Variants in TLR2 observed in about 807,000 individuals in gnomAD.
The protein encoded by TLR2 is toll like receptor 2, also known as toll-like receptor 2.
In TLR2, 7 loss-of-function variants were observed where a neutral mutation model predicts 9.1. The observed-to-expected ratio is 0.77, with a 90% CI of 0.44 to 1.44. The LOEUF is 1.44. Among genes scored for constraint, TLR2 ranks in the 40% most tolerant of loss-of-function variants. The probability of loss-of-function intolerance (pLI) is 0.01; values close to 1 mark genes in which losing one functional copy is unlikely to be tolerated. For missense variants in TLR2, 812 were observed against 904.6 expected, an observed-to-expected ratio of 0.90 and a Z score of 1.31; for synonymous variants, 317 against 344.6, an observed-to-expected ratio of 0.92 and a Z score of 0.89.
intron 2 of TLR2, among the ~76,000 whole-genome samples, chr4:153,696,135 C>T (rs980276771): frequency 2.3e-4 from 35 of 152,024 alleles, no homozygotes; most frequent in Non-Finnish European, 1.0e-4. Flanking sequence ...TCTTTTTGCT[C>T]AGAATAGCTC....
At chr4:153,710,465 A>G (rs1298292107), downstream of TLR2, 16 of 1,607,714 alleles carry the variant, frequency 1.0e-5, no homozygotes, top group Non-Finnish European at 1.3e-5. Context: ...GGATTTGTCC[A>G]TACAGAAAAT....
chr4:153,704,341 A>ACT lies in TLR2; in HGVS notation c.1436_1437dup (p.Lys480SerfsTer11). On this transcript the variant is annotated frameshift_variant, in exon 3 of 3. Coordinates refer to ENST00000642700, the MANE Select transcript of TLR2 (RefSeq NM_001318789.2). LOFTEE classifies it low-confidence loss of function (END_TRUNC). ...ATTTATTTTCTTTGAATTTGCCGCA[A>ACT]CTCAAAGAACTTTATATTTCCAGAA... is the stretch of plus-strand genomic sequence containing the variant. 6.2e-7 allele frequency: 1 copy of ACT among 1,613,584 alleles called. No homozygotes were observed. Among genetic ancestry groups the ACT allele is most frequent in the South Asian group, 1.1e-5 (1 of 90,898 alleles).
At chr4:153,685,981 C>T (rs193172395) in intron 1 of TLR2, among the ~76,000 whole-genome samples, 1 of 152,290 alleles carries the variant, frequency 6.6e-6, no homozygotes, top group African/African-American at 2.4e-5. Flanking sequence ...TGGTGAGGGT[C>T]ATCTGGCTAC....
At position 153,696,081 on chromosome 4, in the gene TLR2, G is replaced by A. The variant is rs138716217; in HGVS notation, c.-16-6811G>A. On this transcript the variant is annotated intron_variant, in intron 2 of 2. Transcript: ENST00000642700. ...ATTCTGTTTTAGTTACTATAGCTCT[G>A]TAGTATAATTTTAAGTCAGATAATG... 5.0e-3 allele frequency among the ~76,000 whole-genome samples: 760 copies of A among 152,194 alleles called. 7 individuals are homozygous for A. Among genetic ancestry groups the A allele is most frequent in the African/African-American group, 0.018 (729 of 41,534 alleles).
At chr4:153,690,533 A>G (rs981666583) in intron 2 of TLR2, among the ~76,000 whole-genome samples, 5 of 152,254 alleles carry the variant, frequency 3.3e-5, no homozygotes, top group Non-Finnish European at 7.3e-5. Context: ...CATGTAGCCC[A>G]GACAAAGTGA....
At chr4:153,695,555 T>C (rs6822309) in intron 2 of TLR2, among the ~76,000 whole-genome samples, 1 of 152,220 alleles carries the variant, frequency 6.6e-6, no homozygotes, top group Non-Finnish European at 1.5e-5. Context: ...TTATTTGATC[T>C]CCTTATATAT....
intron 2 of TLR2, among the ~76,000 whole-genome samples, chr4:153,696,614 A>T (rs1736515317): frequency 6.6e-6 from 1 of 152,194 alleles, no homozygotes. Flanking sequence ...TCCATTACCA[A>T]ATGTGTTTTC....
At chr4:153,702,822 A>T in intron 2 of TLR2, 70 bp from the exon 3 acceptor site, 1 of 1,311,630 alleles carries the variant, frequency 7.6e-7, no homozygotes. Flanking sequence ...CCTAGAAAAC[A>T]TTTCTCAAGA....
intron 2 of TLR2, chr4:153,701,920 A>C (rs1736921668): frequency 6.6e-6 from 1 of 152,228 alleles, no homozygotes; most frequent in Admixed American, 6.5e-5. Flanking sequence ...ATAGTCTCTC[A>C]GATTCTGTGA....
At chr4:153,710,627 C>T (rs1737505829), downstream of TLR2, 2 of 789,000 alleles carry the variant, frequency 2.5e-6, no homozygotes, top group Admixed American at 2.6e-5. Flanking sequence ...AATTAAAAGC[C>T]CCTTATGTGA....
intron 1 of TLR2, 86 bp downstream of exon 1, chr4:153,684,446 C>T (rs1462235410): frequency 6.6e-6 from 1 of 152,348 alleles, no homozygotes; most frequent in Non-Finnish European, 1.5e-5. Context: ...AGCCGCAGCC[C>T]GGTCACGGGC....
intron 2 of TLR2, among the ~76,000 whole-genome samples, chr4:153,691,061 A>G (rs1736079528): frequency 6.6e-6 from 1 of 152,238 alleles, no homozygotes. Flanking sequence ...TACCTCAATT[A>G]CAGCTAAAGC....
At chr4:153,709,913 A>G (rs1343467112), downstream of TLR2, among the ~76,000 whole-genome samples, 1 of 151,530 alleles carries the variant, frequency 6.6e-6, no homozygotes, top group African/African-American at 2.4e-5. Context: ...AAGCTGCCAC[A>G]TGGTAACAAG....
At position 153,704,135 on chromosome 4, in the gene TLR2, C is replaced by G. The variant is rs1737142421; in HGVS notation, c.1228C>G (p.Leu410Val). 4 of 1,613,660 alleles carry G rather than the reference C, an allele frequency of 2.5e-6. No homozygotes were observed. The highest frequency in any genetic ancestry group is 8.5e-7 in the Non-Finnish European group (1 of 1,179,914). ...ATTGGAAAAAACCGGAGAGACTTTG[C>G]TCACTCTGAAAAACTTGACTAACAT... is the stretch of plus-strand genomic sequence containing the variant. ...ASLEKTGETL[L>V]TLKNLTNIDI... Residue 410 changes from leucine (L) to valine (V), a missense_variant, in exon 3 of 3, where the codon CTC becomes GTC. Leu to Val is a conservative substitution (Grantham distance 32, BLOSUM62 1). Transcript: ENST00000642700.
At chr4:153,694,787 T>A (rs1736374494) in intron 2 of TLR2, among the ~76,000 whole-genome samples, 1 of 152,206 alleles carries the variant, frequency 6.6e-6, no homozygotes, top group African/African-American at 2.4e-5. Flanking sequence ...CTAAGTATAT[T>A]TGTGTACCCA....
chr4:153,697,533 A>G (rs894002275), intron 2 of TLR2, among the ~76,000 whole-genome samples: 1 of 152,162 alleles, frequency 6.6e-6, no homozygotes, highest in Non-Finnish European at 1.5e-5. Flanking sequence ...ATATTGTTTC[A>G]TAGGGACCTG....
intron 2 of TLR2, among the ~76,000 whole-genome samples, chr4:153,688,882 C>G: frequency 6.6e-6 from 1 of 152,210 alleles, no homozygotes; most frequent in East Asian, 1.9e-4. Flanking sequence ...ACATGTCCCC[C>G]TTTTTTGTTT....
intron 2 of TLR2, among the ~76,000 whole-genome samples, chr4:153,700,798 T>C (rs1736832280): frequency 1.3e-5 from 2 of 152,090 alleles, no homozygotes; most frequent in African/African-American, 4.8e-5. Context: ...GATAGACAAA[T>C]GAACATTGGA....
intron 2 of TLR2, chr4:153,688,578 T>C (rs1416588256): frequency 6.6e-6 from 1 of 152,588 alleles, no homozygotes; most frequent in Non-Finnish European, 1.5e-5. Flanking sequence ...ACTAAAAGTA[T>C]TCCTTACAGG....
Sources: gnomAD v4.1 joint callset for allele counts (sites outside exome capture counted in the v4.1 genomes callset) on GRCh38, gnomAD v4.1.1 for gene constraint, MANE v1.5 for transcripts, NCBI Gene and HGNC (gene_info 2026-07-23, HGNC 2026-07-21) for gene names.